SIPA1L2: variants seen among roughly 807,000 people sequenced by gnomAD.
The protein encoded by SIPA1L2 is signal-induced proliferation-associated 1-like protein 2.
Under a neutral mutation model 163.9 loss-of-function variants are expected in SIPA1L2, and 56 were observed. The observed-to-expected ratio is 0.34, with a 90% CI of 0.28 to 0.43. The LOEUF is 0.43. SIPA1L2 is among the 20% of genes least tolerant of loss of function. The pLI, the probability that SIPA1L2 is intolerant of heterozygous loss-of-function variation, is 1.00. For missense variants in SIPA1L2, 1,974 were observed against 2,193.5 expected (o/e 0.90, Z 2.00); for synonymous variants, 877 against 865.7 (o/e 1.01, Z -0.23).
intron 1 of SIPA1L2, among the ~76,000 whole-genome samples, chr1:232,614,893 T>C (rs984428142): frequency 6.6e-6 from 1 of 152,238 alleles, no homozygotes; most frequent in Non-Finnish European, 1.5e-5. Context: ...TTCTTTTGCA[T>C]GTCTTCATTC....
At chr1:232,526,027 AC>A (rs1187564832) in intron 2 of SIPA1L2, among the ~76,000 whole-genome samples, 1 of 152,158 alleles carries the variant, frequency 6.6e-6, no homozygotes, top group Admixed American at 6.5e-5. Flanking sequence ...AGTGGGATAG[AC>A]CAAGCTGCTG....
chr1:232,564,043 T>C (rs1049432937), intron 2 of SIPA1L2, among the ~76,000 whole-genome samples: 2 of 132,926 alleles, frequency 1.5e-5, no homozygotes, highest in Non-Finnish European at 3.0e-5. Context: ...AATGGTGTGA[T>C]CTTGGCTCGC....
chr1:232,540,261 G>A (rs1174330907), intron 2 of SIPA1L2, among the ~76,000 whole-genome samples: 4 of 152,030 alleles, frequency 2.6e-5, no homozygotes, highest in South Asian at 2.1e-4. Context: ...CCGAGGTCAC[G>A]CCACTGCACT....
chr1:232,609,960 CG>C, intron 1 of SIPA1L2, among the ~76,000 whole-genome samples: 1 of 152,112 alleles, frequency 6.6e-6, no homozygotes, highest in Admixed American at 6.5e-5. Context: ...AATGGAGACC[CG>C]ATCTCTCACT....
chr1:232,434,573 G>C (rs1424867045), intron 15 of SIPA1L2, among the ~76,000 whole-genome samples: 1 of 152,094 alleles, frequency 6.6e-6, no homozygotes, highest in African/African-American at 2.4e-5. Context: ...GGTGACCTGA[G>C]GAGTAAGGCA....
At chr1:232,567,729 T>C (rs1173940041) in intron 2 of SIPA1L2, among the ~76,000 whole-genome samples, 1 of 152,158 alleles carries the variant, frequency 6.6e-6, no homozygotes, top group Admixed American at 6.5e-5. Context: ...AGTGACATCT[T>C]TTTGTATGCT....
intron 10 of SIPA1L2, among the ~76,000 whole-genome samples, chr1:232,460,251 T>G (rs537141933): frequency 7.9e-5 from 12 of 152,354 alleles, no homozygotes; most frequent in African/African-American, 2.6e-4. Flanking sequence ...TATTGCTTTC[T>G]AACCCCGTTC....
At chr1:232,502,356 C>T (rs1666525078) in intron 3 of SIPA1L2, among the ~76,000 whole-genome samples, 1 of 152,206 alleles carries the variant, frequency 6.6e-6, no homozygotes, top group Non-Finnish European at 1.5e-5. Context: ...AACTCCGGCA[C>T]AGTTCATGGG....
At chr1:232,613,652 C>A (rs1662362639) in intron 1 of SIPA1L2, among the ~76,000 whole-genome samples, 1 of 150,034 alleles carries the variant, frequency 6.7e-6, no homozygotes, top group Non-Finnish European at 1.5e-5. Context: ...TTAGAAGGAT[C>A]CAGTTTTTAG....
chr1:232,515,370 C>G lies in SIPA1L2; in HGVS notation c.-31G>C, dbSNP rs565115649. ...CCGAGGAAGAGCCTCCAAGTCTCAC[C>G]AGGAAGACTGATGTAAATCTAATTA... On this transcript the variant is annotated 5_prime_UTR_variant, in exon 3 of 23. Transcript: ENST00000674635. 6.5e-6 allele frequency: 10 copies of G among 1,536,562 alleles called. No individual in the cohort carries two copies. Among genetic ancestry groups the G allele is most frequent in the Admixed American group, 2.1e-5 (1 of 48,720 alleles).
chr1:232,525,764 TTAGA>T (rs1340077389), intron 2 of SIPA1L2, among the ~76,000 whole-genome samples: 1 of 152,080 alleles, frequency 6.6e-6, no homozygotes, highest in East Asian at 1.9e-4. Flanking sequence ...CTTAGCACAC[TTAGA>T]TAACTGTTGT....
intron 6 of SIPA1L2, among the ~76,000 whole-genome samples, chr1:232,481,893 G>A (rs188683207): frequency 2.4e-4 from 37 of 152,316 alleles, no homozygotes; most frequent in Admixed American, 1.6e-3. Flanking sequence ...GCCCAGATTT[G>A]ACCTAAGTCT....
chr1:232,521,419 A>G (rs1667454498), intron 2 of SIPA1L2, among the ~76,000 whole-genome samples: 2 of 152,318 alleles, frequency 1.3e-5, no homozygotes, highest in South Asian at 2.1e-4. Context: ...CAAGAAACCC[A>G]TATTATGAGT....
intron 1 of SIPA1L2, among the ~76,000 whole-genome samples, chr1:232,597,241 ACAGGCCTG>A (rs1661306923): frequency 6.6e-6 from 1 of 152,094 alleles, no homozygotes; most frequent in South Asian, 2.1e-4. Flanking sequence ...CCCCACACAC[ACAGGCCTG>A]CAGGCCTGGA....
At chr1:232,481,873 G>A (rs1422508798) in intron 6 of SIPA1L2, among the ~76,000 whole-genome samples, 1 of 152,158 alleles carries the variant, frequency 6.6e-6, no homozygotes, top group African/African-American at 2.4e-5. Context: ...TTCCTTGTGA[G>A]GAATCTGAGG....
At chr1:232,553,419 T>C (rs1298086765) in intron 2 of SIPA1L2, among the ~76,000 whole-genome samples, 2 of 152,188 alleles carry the variant, frequency 1.3e-5, no homozygotes, top group Non-Finnish European at 2.9e-5. Context: ...CATTTGGGCA[T>C]GAAAACGGGA....
chr1:232,582,362 T>C (rs1660426554), intron 1 of SIPA1L2, among the ~76,000 whole-genome samples: 1 of 152,142 alleles, frequency 6.6e-6, no homozygotes, highest in Non-Finnish European at 1.5e-5. Flanking sequence ...TTTACATCCA[T>C]AGGTGCTCAA....
chr1:232,532,128 A>C (rs1657004764), intron 2 of SIPA1L2, among the ~76,000 whole-genome samples: 1 of 152,198 alleles, frequency 6.6e-6, no homozygotes, highest in African/African-American at 2.4e-5. Flanking sequence ...AGGCCACTGC[A>C]ATAATCCAGG....
intron 6 of SIPA1L2, 100 bp from the exon 7 acceptor site, chr1:232,479,830 A>T (rs1426218666): frequency 1.1e-6 from 1 of 895,704 alleles, no homozygotes; most frequent in Non-Finnish European, 1.8e-6. Context: ...AACAAAAAAC[A>T]CCAAGCTCTA....
Sources: allele counts gnomAD v4.1 joint callset (sites outside exome capture counted in the v4.1 genomes callset), GRCh38; gene constraint gnomAD v4.1.1; transcripts MANE v1.5; gene names NCBI Gene and HGNC (gene_info 2026-07-23, HGNC 2026-07-21).